Variants in GLIS3 observed in about 807,000 individuals in gnomAD.
The protein encoded by GLIS3 is GLIS family zinc finger 3.
A neutral mutation model predicts 78.6 loss-of-function variants in GLIS3; 53 were observed. That is an observed-to-expected ratio of 0.67 (90% CI 0.54 to 0.85). The LOEUF is 0.85. Ranked by LOEUF, GLIS3 falls within the 40% of genes least tolerant of loss-of-function variation. GLIS3 has a pLI of 0.00. For synonymous variants in GLIS3, 684 were observed against 509.9 expected (o/e 1.34, Z -4.60); for missense variants, 1,703 against 1,231.1 (o/e 1.38, Z -5.74).
At chr9:3,978,035 G>A (rs1818930943) in intron 4 of GLIS3, among the ~76,000 whole-genome samples, 1 of 152,200 alleles carries the variant, frequency 6.6e-6, no homozygotes, top group African/African-American at 2.4e-5. Context: ...GTACTGACAA[G>A]CAAATGGATC....
intron 4 of GLIS3, among the ~76,000 whole-genome samples, chr9:4,008,378 C>A (rs879933296): frequency 6.6e-6 from 1 of 152,122 alleles, no homozygotes. Context: ...GTGGCCAGTG[C>A]CATTTTCCCT....
At chr9:4,225,726 A>G (rs1376436606) in intron 2 of GLIS3, among the ~76,000 whole-genome samples, 1 of 152,242 alleles carries the variant, frequency 6.6e-6, no homozygotes, top group African/African-American at 2.4e-5. Flanking sequence ...AGTCATTGAC[A>G]TTGCTAATGT....
the GLIS3 span, among the ~76,000 whole-genome samples, chr9:4,434,729 G>C: frequency 6.6e-6 from 1 of 152,158 alleles, no homozygotes; most frequent in Admixed American, 6.5e-5. Context: ...CTTGAAGTTT[G>C]ATTCCAACTT....
At chr9:4,221,318 G>C (rs1821313979) in intron 2 of GLIS3, among the ~76,000 whole-genome samples, 1 of 152,016 alleles carries the variant, frequency 6.6e-6, no homozygotes, top group Admixed American at 6.5e-5. Flanking sequence ...CTTTTCTGTA[G>C]GTTTGAAATT....
chr9:4,310,843 G>T (rs1486164048), intron 2 of GLIS3, among the ~76,000 whole-genome samples: 1 of 152,136 alleles, frequency 6.6e-6, no homozygotes, highest in Non-Finnish European at 1.5e-5. Context: ...AAGTAAATGG[G>T]GGTGGTGATG....
the GLIS3 span, among the ~76,000 whole-genome samples, chr9:4,438,648 G>A: frequency 2.0e-5 from 3 of 152,200 alleles, no homozygotes; most frequent in East Asian, 5.8e-4. Flanking sequence ...GTCAAGGGCA[G>A]GGACAGGTGA....
intron 4 of GLIS3, among the ~76,000 whole-genome samples, chr9:3,996,636 C>G (rs1350084243): frequency 6.6e-6 from 1 of 151,972 alleles, no homozygotes; most frequent in Non-Finnish European, 1.5e-5. Context: ...AGGAAAAAAA[C>G]TGCAAAACTA....
chr9:3,936,883 C>G, intron 5 of GLIS3, 145 bp downstream of exon 5: 1 of 1,101,004 alleles, frequency 9.1e-7, no homozygotes, highest in South Asian at 1.4e-5. Context: ...CCCATCTGGC[C>G]TTTTACCAGG....
At chr9:4,356,618 A>G in the GLIS3 span, among the ~76,000 whole-genome samples, 1 of 152,236 alleles carries the variant, frequency 6.6e-6, no homozygotes. Context: ...TTTAAAATAC[A>G]AAGGGAACAC....
intron 9 of GLIS3, among the ~76,000 whole-genome samples, chr9:3,849,836 G>C (rs1243289923): frequency 2.6e-5 from 4 of 152,016 alleles, no homozygotes; most frequent in African/African-American, 7.3e-5. Context: ...TGGAACCCAG[G>C]AGGCAGAGGT....
At chr9:4,414,808 C>T in the GLIS3 span, among the ~76,000 whole-genome samples, 198 of 152,100 alleles carry the variant, frequency 1.3e-3, no homozygotes, top group African/African-American at 3.7e-3. Flanking sequence ...TCTCATCTTC[C>T]ACCGTATTCC....
chr9:4,374,507 A>G, the GLIS3 span, among the ~76,000 whole-genome samples: 40 of 152,376 alleles, frequency 2.6e-4, no homozygotes, highest in African/African-American at 9.4e-4. Context: ...CTCAGCCTGA[A>G]GCCCTTAAGA....
chr9:4,347,035 T>C (rs146149857), intron 2 of GLIS3: 1 of 152,206 alleles, frequency 6.6e-6, no homozygotes, highest in African/African-American at 2.4e-5. Flanking sequence ...TAAAGAAATA[T>C]CTAAGGCTAG....
At chr9:4,102,111 G>A (rs1020163855) in intron 4 of GLIS3, among the ~76,000 whole-genome samples, 3 of 152,132 alleles carry the variant, frequency 2.0e-5, no homozygotes. Context: ...TTCTCCACCA[G>A]AAGAAGATAA....
chr9:4,197,418 A>C (rs968698911), intron 2 of GLIS3, among the ~76,000 whole-genome samples: 1 of 152,164 alleles, frequency 6.6e-6, no homozygotes, highest in African/African-American at 2.4e-5. Context: ...TTGAGCATCC[A>C]CAGCATTCAC....
At chr9:4,371,108 T>A in the GLIS3 span, among the ~76,000 whole-genome samples, 1 of 152,290 alleles carries the variant, frequency 6.6e-6, no homozygotes, top group East Asian at 1.9e-4. Flanking sequence ...AAGAAAAAAA[T>A]ATAATTTTTT....
At chr9:4,001,073 C>T (rs1370457278) in intron 4 of GLIS3, among the ~76,000 whole-genome samples, 1 of 152,140 alleles carries the variant, frequency 6.6e-6, no homozygotes, top group African/African-American at 2.4e-5. Flanking sequence ...TGCACTGTGC[C>T]AGGCACTAAA....
Position 3,863,990 on chromosome 9 carries a change from T to C in GLIS3, c.2298-7806A>G, listed in dbSNP as rs1820408212. ...TTTCTGGAATATCCTGACTGCAGAA[T>C]TGGCTGTGACTCAGTTGTTTGTCTA... is the stretch of plus-strand genomic sequence containing the variant. On this transcript the variant is annotated intron_variant, in intron 8 of 10. Coordinates refer to ENST00000381971, the MANE Select transcript of GLIS3 (RefSeq NM_001042413.2). 2.0e-5 allele frequency among the ~76,000 whole-genome samples: 3 copies of C among 152,218 alleles called. No homozygotes were observed. In the South Asian group the frequency reaches 6.2e-4, roughly 32 times the overall value.
Position 4,117,952 on chromosome 9 carries a change from G to C in GLIS3, c.1526C>G (p.Ala509Gly). 3 of 1,614,000 alleles carry C rather than the reference G, an allele frequency of 1.9e-6. No homozygotes were observed. The highest frequency in any genetic ancestry group is 1.1e-5 in the South Asian group (1 of 91,076). ...GAGCTCCTCCTGCTGGTCGTACAGG[G>C]CGCTGCAGTCGATCCAGCGGCAGCA... ...KHCCRWIDCS[A>G]LYDQQEELVR... Residue 509 changes from alanine (A) to glycine (G), a missense_variant, in exon 4 of 11, where the codon GCC becomes GGC. Transcript: ENST00000381971.
Sources: allele counts gnomAD v4.1 joint callset (sites outside exome capture counted in the v4.1 genomes callset), GRCh38; gene constraint gnomAD v4.1.1; transcripts MANE v1.5; gene names NCBI Gene and HGNC (gene_info 2026-07-23, HGNC 2026-07-21).